The following IGFL2 variants were observed in gnomAD, a reference collection of about 807,000 sequenced individuals.
IGFL2 encodes the protein insulin growth factor-like family member 2.
Under a neutral mutation model 13.9 loss-of-function variants are expected in IGFL2, and 7 were observed. The observed-to-expected ratio is 0.51, with a 90% CI of 0.29 to 0.95. The LOEUF is 0.95. Ranked by LOEUF, IGFL2 falls within the 40% of genes least tolerant of loss-of-function variation. The pLI is 0.08. For missense variants in IGFL2, 138 were observed against 147.8 expected (o/e 0.93, Z 0.34); for synonymous variants, 55 against 55.8 (o/e 0.99, Z 0.07).
the IGFL2 span, among the ~76,000 whole-genome samples, chr19:46,185,228 CT>C: frequency 6.6e-6 from 1 of 152,056 alleles, no homozygotes. Flanking sequence ...TAGTTTCTTC[CT>C]TTTTTCTACC....
chr19:46,176,184 CAAAA>C, the IGFL2 span, among the ~76,000 whole-genome samples: 2 of 117,512 alleles, frequency 1.7e-5, no homozygotes, highest in African/African-American at 3.2e-5. Context: ...AAATTAATGC[CAAAA>C]AAAAAAAAAG....
At chr19:46,108,086 G>T in the IGFL2 span, among the ~76,000 whole-genome samples, 1 of 151,930 alleles carries the variant, frequency 6.6e-6, no homozygotes, top group Non-Finnish European at 1.5e-5. Flanking sequence ...ATTATAGGGT[G>T]GGGGAGTGGA....
At chr19:46,182,174 C>G in the IGFL2 span, among the ~76,000 whole-genome samples, 24 of 152,068 alleles carry the variant, frequency 1.6e-4, no homozygotes, top group Non-Finnish European at 2.8e-4. Flanking sequence ...CGAGATGAGC[C>G]TGGCCAACAT....
At chr19:46,116,762 G>A in the IGFL2 span, among the ~76,000 whole-genome samples, 1 of 152,038 alleles carries the variant, frequency 6.6e-6, no homozygotes, top group Non-Finnish European at 1.5e-5. Flanking sequence ...ACGGAGTTCT[G>A]GGAAAGTCAT....
At chr19:46,180,398 C>T in the IGFL2 span, among the ~76,000 whole-genome samples, 3 of 152,064 alleles carry the variant, frequency 2.0e-5, no homozygotes, top group Non-Finnish European at 2.9e-5. Context: ...AGGCTGGTCT[C>T]GAACTCCTGA....
At chr19:46,139,847 A>T (rs989628638), upstream of IGFL2, among the ~76,000 whole-genome samples, 1 of 152,080 alleles carries the variant, frequency 6.6e-6, no homozygotes, top group Non-Finnish European at 1.5e-5. Flanking sequence ...ATATATTTAT[A>T]TGTGTGTATG....
chr19:46,191,616 C>A, the IGFL2 span, among the ~76,000 whole-genome samples: 6 of 152,108 alleles, frequency 3.9e-5, no homozygotes, highest in African/African-American at 1.4e-4. Flanking sequence ...GGGCAAGAGA[C>A]ATGAGGGCCC....
At chr19:46,143,380 C>T (rs926514212), upstream of IGFL2, among the ~76,000 whole-genome samples, 10 of 150,878 alleles carry the variant, frequency 6.6e-5, no homozygotes, top group East Asian at 9.7e-4. Context: ...TTTGTAGTTA[C>T]GTTTTTTGTT....
the IGFL2 span, among the ~76,000 whole-genome samples, chr19:46,179,846 G>A: frequency 6.6e-6 from 1 of 152,102 alleles, no homozygotes; most frequent in Non-Finnish European, 1.5e-5. Flanking sequence ...ATCCCGGGAG[G>A]TGGAGGTTGC....
At chr19:46,179,222 A>G in the IGFL2 span, among the ~76,000 whole-genome samples, 1 of 130,814 alleles carries the variant, frequency 7.6e-6, no homozygotes, top group African/African-American at 3.0e-5. Flanking sequence ...AGAGCTGGTC[A>G]TGGGGTGGGG....
chr19:46,173,585 A>T, the IGFL2 span: 1 of 152,242 alleles, frequency 6.6e-6, no homozygotes, highest in Admixed American at 6.5e-5. Flanking sequence ...AGAACAGGAG[A>T]GATGTCAGAC....
chr19:46,109,264 C>A, the IGFL2 span, among the ~76,000 whole-genome samples: 1 of 151,560 alleles, frequency 6.6e-6, no homozygotes, highest in Admixed American at 6.6e-5. Context: ...GTTTTGTGGG[C>A]AGGGGGTGGA....
chr19:46,154,601 G>A (rs1487562612), intron 1 of IGFL2, among the ~76,000 whole-genome samples: 1 of 151,948 alleles, frequency 6.6e-6, no homozygotes, highest in African/African-American at 2.4e-5. Flanking sequence ...CCACCACCAC[G>A]CCTGGCTAAT....
chr19:46,167,870 G>A, the IGFL2 span, among the ~76,000 whole-genome samples: 1 of 152,202 alleles, frequency 6.6e-6, no homozygotes, highest in African/African-American at 2.4e-5. Context: ...CAGAAAGAGA[G>A]CCCTCAACAG....
the IGFL2 span, among the ~76,000 whole-genome samples, chr19:46,117,640 G>C: frequency 1.3e-5 from 2 of 152,048 alleles, no homozygotes; most frequent in Non-Finnish European, 2.9e-5. Context: ...CATCAAGCCT[G>C]GCTAATTTTT....
chr19:46,146,586 C>T (rs889374983), upstream of IGFL2, among the ~76,000 whole-genome samples: 96 of 152,276 alleles, frequency 6.3e-4, 1 homozygote, highest in African/African-American at 2.3e-3. Flanking sequence ...CAAACCACGA[C>T]ATGATATACC....
At chr19:46,173,278 G>A in the IGFL2 span, among the ~76,000 whole-genome samples, 1 of 152,158 alleles carries the variant, frequency 6.6e-6, no homozygotes, top group African/African-American at 2.4e-5. Flanking sequence ...CCTATATGGA[G>A]CCCAGAAGGT....
chr19:46,150,283 T>C (rs189515860), intron 1 of IGFL2, among the ~76,000 whole-genome samples: 31 of 152,326 alleles, frequency 2.0e-4, no homozygotes, highest in African/African-American at 6.7e-4. Flanking sequence ...TCATCCCTTA[T>C]CATATATATA....
At chr19:46,148,368 T>C in intron 1 of IGFL2, 71 bp downstream of exon 1, 1 of 1,289,426 alleles carries the variant, frequency 7.8e-7, no homozygotes, top group South Asian at 1.3e-5. Context: ...AACCTCAAAC[T>C]TAATTCTCTC....
Sources: allele counts gnomAD v4.1 joint callset (sites outside exome capture counted in the v4.1 genomes callset), GRCh38; gene constraint gnomAD v4.1.1; transcripts MANE v1.5; gene names NCBI Gene and HGNC (gene_info 2026-07-23, HGNC 2026-07-21).